GRM8: variants seen among roughly 807,000 people sequenced by gnomAD.
GRM8 encodes metabotropic glutamate receptor 8.
In GRM8, 47 loss-of-function variants were observed where a neutral mutation model predicts 87.2. That is an observed-to-expected ratio of 0.54 (90% confidence interval 0.43 to 0.69). GRM8 has a LOEUF of 0.69. Among genes scored for constraint, GRM8 ranks in the 30% least tolerant of loss-of-function variants. The pLI is 0.00. For missense variants in GRM8, 1,019 were observed against 1,139.2 expected (o/e 0.89, Z 1.52); for synonymous variants, 396 against 404.5 (o/e 0.98, Z 0.25).
intron 6 of GRM8, among the ~76,000 whole-genome samples, chr7:126,853,681 T>C (rs1797429096): frequency 6.6e-6 from 1 of 152,182 alleles, no homozygotes; most frequent in South Asian, 2.1e-4. Flanking sequence ...AAGGATACAG[T>C]GGCAGTACCT....
chr7:126,701,328 T>C (rs2151395353), intron 7 of GRM8, among the ~76,000 whole-genome samples: 1 of 152,296 alleles, frequency 6.6e-6, no homozygotes, highest in East Asian at 1.9e-4. Flanking sequence ...CTGAGTCATT[T>C]ACAGCTTTTA....
chr7:127,137,220 T>TACACAC (rs145265792), intron 2 of GRM8, among the ~76,000 whole-genome samples: 4,535 of 149,868 alleles, frequency 0.03, 76 homozygotes, highest in Middle Eastern at 0.052. Context: ...AACATACACA[T>TACACAC]ACACACACAC....
intron 3 of GRM8, among the ~76,000 whole-genome samples, chr7:127,049,083 A>G (rs1234426144): frequency 6.6e-6 from 1 of 152,156 alleles, no homozygotes; most frequent in African/African-American, 2.4e-5. Flanking sequence ...ACACTTCATG[A>G]CTGGAGTGTT....
chr7:127,073,767 C>T (rs996389497), intron 3 of GRM8, among the ~76,000 whole-genome samples: 1 of 152,090 alleles, frequency 6.6e-6, no homozygotes, highest in African/African-American at 2.4e-5. Context: ...AGAGACCCAG[C>T]CCCAGAGGAT....
chr7:126,943,377 G>C (rs923017033), intron 3 of GRM8, among the ~76,000 whole-genome samples: 1 of 152,136 alleles, frequency 6.6e-6, no homozygotes, highest in East Asian at 1.9e-4. Flanking sequence ...TGATCTTGTG[G>C]GCACAGGCAG....
chr7:127,106,555 G>C lies in GRM8; in HGVS notation c.668C>G (p.Ser223Cys). Reference protein sequence around the residue: ...LGWNYVSTLASEGNYGESGVE... With the variant: ...LGWNYVSTLACEGNYGESGVE... ...ACCGCTCTCACCATAGTTCCCCTCA[G>C]AAGCCAGTGTCGAAACATAATTCCA... The change falls in exon 3 of 11, where the codon TCT becomes TGT. Residue 223 changes from serine (S) to cysteine (C), a missense_variant. Transcript: ENST00000339582. The C allele has an allele frequency of 6.2e-7, 1 of 1,614,106 alleles. No homozygotes were observed. The highest frequency in any genetic ancestry group is 8.5e-7 in the Non-Finnish European group (1 of 1,179,988).
chr7:127,014,953 GAGAAGAAGAAGAAGA>G (rs1815269447), intron 3 of GRM8, among the ~76,000 whole-genome samples: 1 of 123,052 alleles, frequency 8.1e-6, no homozygotes, highest in Non-Finnish European at 1.7e-5. Context: ...GAAAGAGAGA[GAGAAGAAGAAGAAGA>G]GGAAGAAGAA....
chr7:127,141,640 G>A (rs553402965), intron 2 of GRM8, among the ~76,000 whole-genome samples: 54 of 152,118 alleles, frequency 3.5e-4, no homozygotes, highest in Non-Finnish European at 5.3e-4. Context: ...TAGCTACAGT[G>A]AGCATAAAAT....
chr7:126,485,698 T>C (rs73444939), intron 9 of GRM8, among the ~76,000 whole-genome samples: 4,189 of 151,968 alleles, frequency 0.028, 180 homozygotes, highest in African/African-American at 0.094. Context: ...AAATTAGCAG[T>C]TGTTAACCTT....
At chr7:126,617,464 C>G (rs1799628465) in intron 7 of GRM8, among the ~76,000 whole-genome samples, 1 of 152,162 alleles carries the variant, frequency 6.6e-6, no homozygotes, top group South Asian at 2.1e-4. Context: ...TGAAAACTGG[C>G]ACAAGACAGA....
At chr7:126,525,904 T>C (rs1447392629) in intron 9 of GRM8, among the ~76,000 whole-genome samples, 2 of 152,238 alleles carry the variant, frequency 1.3e-5, no homozygotes, top group Non-Finnish European at 2.9e-5. Flanking sequence ...ACATATTTCT[T>C]TTAATTATTC....
At chr7:127,177,500 G>A (rs1207110219) in intron 2 of GRM8, among the ~76,000 whole-genome samples, 1 of 152,202 alleles carries the variant, frequency 6.6e-6, no homozygotes, top group African/African-American at 2.4e-5. Context: ...TACTACAGCT[G>A]ATGCTTTCTG....
chr7:126,763,202 C>G (rs926072524), intron 7 of GRM8, among the ~76,000 whole-genome samples: 1 of 151,238 alleles, frequency 6.6e-6, no homozygotes, highest in Admixed American at 6.6e-5. Context: ...TCAAACATGG[C>G]ATTTTTTAAA....
At chr7:126,650,834 G>C (rs1585373220) in intron 7 of GRM8, among the ~76,000 whole-genome samples, 2 of 152,046 alleles carry the variant, frequency 1.3e-5, no homozygotes, top group African/African-American at 2.4e-5. Flanking sequence ...CACCCAATGG[G>C]CCCATAAACA....
intron 2 of GRM8, among the ~76,000 whole-genome samples, chr7:127,226,758 C>G (rs755267661): frequency 2.1e-4 from 32 of 152,224 alleles, no homozygotes; most frequent in Non-Finnish European, 4.1e-4. Context: ...GCTCCCAAAC[C>G]ATTTGCCTGC....
chr7:127,225,384 AC>A (rs1392440011), intron 2 of GRM8, among the ~76,000 whole-genome samples: 2 of 152,014 alleles, frequency 1.3e-5, no homozygotes, highest in East Asian at 3.9e-4. Flanking sequence ...GTCTCAGCTC[AC>A]CTTCAGCATG....
chr7:127,111,822 T>A (rs1239224846), intron 2 of GRM8, among the ~76,000 whole-genome samples: 1 of 151,790 alleles, frequency 6.6e-6, no homozygotes, highest in African/African-American at 2.4e-5. Context: ...AGGTCAGGAG[T>A]TCGAGACCAG....
chr7:126,532,974 C>A lies in GRM8; in HGVS notation c.2408G>T (p.Gly803Val). The A allele has an allele frequency of 6.2e-7, 1 of 1,611,210 alleles. No homozygotes were observed. The highest frequency in any genetic ancestry group is 8.5e-7 in the Non-Finnish European group (1 of 1,178,410). The change falls in exon 9 of 11, where the codon GGT becomes GTT. Residue 803 changes from glycine (G) to valine (V), a missense_variant. Physicochemically the swap from Gly to Val is moderately radical, Grantham distance 109. Coordinates refer to ENST00000339582, the MANE Select transcript of GRM8 (RefSeq NM_000845.3). ...IWLAFIPIFF[G>V]TAQSAEKMYI... ...TACCTTTTCTGCTGACTGGGCTGTA[C>A]CAAAAAAGATGGGGATGAAAGCTAA...
At chr7:126,558,823 G>A (rs1793410088) in intron 8 of GRM8, among the ~76,000 whole-genome samples, 1 of 152,108 alleles carries the variant, frequency 6.6e-6, no homozygotes, top group Non-Finnish European at 1.5e-5. Flanking sequence ...AGAGCAATAA[G>A]TCATCATTCA....
Sources: allele counts gnomAD v4.1 joint callset (sites outside exome capture counted in the v4.1 genomes callset), GRCh38; gene constraint gnomAD v4.1.1; transcripts MANE v1.5; gene names NCBI Gene and HGNC (gene_info 2026-07-23, HGNC 2026-07-21).